Variants in NSD1 observed in about 807,000 individuals in gnomAD.
NSD1 encodes nuclear receptor binding SET domain protein 1, also known as histone-lysine N-methyltransferase, H3 lysine-36 specific.
A neutral mutation model predicts 242.7 loss-of-function variants in NSD1; 26 were observed. That is an observed-to-expected ratio of 0.11 (90% CI 0.08 to 0.15). NSD1 has a LOEUF of 0.15. Among genes scored for constraint, NSD1 ranks in the 10% least tolerant of loss-of-function variants. The pLI, the probability that NSD1 is intolerant of heterozygous loss-of-function variation, is 1.00. For synonymous variants in NSD1, 1,106 were observed against 1,178.1 expected (o/e 0.94, Z 1.25); for missense variants, 2,495 against 3,272.8 (o/e 0.76, Z 5.80).
rs894832428 is a variant in NSD1, at chr5:177,134,699, C to G, written c.-17-388C>G. 2.6e-5 allele frequency among the ~76,000 whole-genome samples: 4 copies of G among 152,230 alleles called. No homozygotes were observed. The highest frequency in any genetic ancestry group is 6.5e-5 in the Admixed American group (1 of 15,286). Reference sequence around the variant, plus strand: ...TTTTGTGCAGGGTCCAGGAGCCCCCCTCGGACCCCGCAGCCTTTTGCTTTT... The same window carrying G: ...TTTTGTGCAGGGTCCAGGAGCCCCCGTCGGACCCCGCAGCCTTTTGCTTTT... On this transcript the variant is annotated intron_variant, in intron 1 of 22. Coordinates refer to ENST00000439151, the MANE Select transcript of NSD1 (RefSeq NM_022455.5). The surrounding 1 kb of genome is among the most constrained non-coding windows in gnomAD (Gnocchi z 4.2).
At chr5:177,153,357 G>A (rs1757880484) in intron 2 of NSD1, among the ~76,000 whole-genome samples, 1 of 151,832 alleles carries the variant, frequency 6.6e-6, no homozygotes, top group Non-Finnish European at 1.5e-5. Context: ...TATGAATTTA[G>A]CATTTGTCCC....
chr5:177,204,026 C>T lies in NSD1; in HGVS notation c.1064-94C>T, dbSNP rs569940768. 1.2e-4 allele frequency: 150 copies of T among 1,213,672 alleles called. No individual in the cohort carries two copies. The African/African-American group carries it at 1.9e-3, about 15-fold the overall frequency. The allele number at this position is 1,213,672 out of a possible 1,614,324, so 75.2% of individuals were successfully genotyped here. On this transcript the variant is annotated intron_variant, in intron 3 of 22. Transcript: ENST00000439151. Reference sequence around the variant, plus strand: ...AGTGGGCATGTTAGTTGTTTCCAGACAGTCTTCTTTGGCGGCAATGATGTG... The same window carrying T: ...AGTGGGCATGTTAGTTGTTTCCAGATAGTCTTCTTTGGCGGCAATGATGTG...
At chr5:177,259,048 T>C (rs745702800) in intron 13 of NSD1, among the ~76,000 whole-genome samples, 2 of 152,108 alleles carry the variant, frequency 1.3e-5, no homozygotes, top group African/African-American at 4.8e-5. Context: ...TTGGCCAGAC[T>C]GTTCTGGAAC....
chr5:177,218,195 G>A (rs2149859254), intron 5 of NSD1, among the ~76,000 whole-genome samples: 1 of 152,182 alleles, frequency 6.6e-6, no homozygotes, highest in East Asian at 1.9e-4. Context: ...CTGCAGGTGT[G>A]CACCATGACA....
At chr5:177,222,192 G>T (rs144440127) in intron 5 of NSD1, among the ~76,000 whole-genome samples, 2 of 152,054 alleles carry the variant, frequency 1.3e-5, no homozygotes, top group African/African-American at 2.4e-5. Context: ...GCAGTGGCAC[G>T]ATCTTGGCTC....
At chr5:177,158,292 T>G (rs1455517056) in intron 2 of NSD1, among the ~76,000 whole-genome samples, 1 of 70,630 alleles carries the variant, frequency 1.4e-5, no homozygotes. Flanking sequence ...TTTCTTTCTT[T>G]CTTTCTTTCT....
Position 177,210,087 on chromosome 5 carries a change from C to T in NSD1, c.1688C>T (p.Thr563Ile). The T allele has an allele frequency of 1.2e-6, 2 of 1,613,738 alleles. No individual in the cohort carries two copies. The highest frequency in any genetic ancestry group is 1.3e-5 in the African/African-American group (1 of 75,014). The change falls in exon 5 of 23, where the codon ACT (threonine) becomes ATT (isoleucine). Residue 563 changes from threonine (T) to isoleucine (I), a missense_variant. By Grantham distance (89) the Thr-to-Ile change is moderately conservative. Coordinates refer to ENST00000439151, the MANE Select transcript of NSD1 (RefSeq NM_022455.5). ...GCAAATAGCCTCACAGGGTCCAACA[C>T]TGCCCCAGGAAGTTTTCTGTTTTCT... ...RIANSLTGSN[T>I]APGSFLFSSC... is the part of the protein sequence containing the mutation.
At chr5:177,200,234 G>A (rs1376172007) in intron 3 of NSD1, among the ~76,000 whole-genome samples, 5 of 151,928 alleles carry the variant, frequency 3.3e-5, no homozygotes, top group African/African-American at 7.3e-5. Flanking sequence ...GGGACTATAC[G>A]AGTAACTGGG....
intron 2 of NSD1, among the ~76,000 whole-genome samples, chr5:177,180,030 A>G (rs1418488326): frequency 6.6e-6 from 1 of 151,910 alleles, no homozygotes; most frequent in Non-Finnish European, 1.5e-5. Context: ...CCTCCTGGGT[A>G]GCTGGGATTA....
chr5:177,252,598 T>C (rs920456941), intron 12 of NSD1, among the ~76,000 whole-genome samples: 6 of 142,368 alleles, frequency 4.2e-5, no homozygotes, highest in African/African-American at 5.4e-5. Context: ...GTTGTCCAGG[T>C]TTGAGTACAG....
chr5:177,138,097 AC>A (rs1326761019), intron 2 of NSD1, among the ~76,000 whole-genome samples: 2 of 109,008 alleles, frequency 1.8e-5, no homozygotes, highest in African/African-American at 6.3e-5. Context: ...CAACAAAAAA[AC>A]AAACAAACAA....
Position 177,212,022 on chromosome 5 carries a change from C to A in NSD1, c.3623C>A (p.Thr1208Asn). 1 of 1,614,124 alleles carries A rather than the reference C, an allele frequency of 6.2e-7. No individual in the cohort carries two copies. Among genetic ancestry groups the A allele is most frequent in the Non-Finnish European group, 8.5e-7 (1 of 1,180,028 alleles). ...EGRDEFPEHR[T>N]PSASILEEPL... ...CGGGATGAGTTTCCAGAGCATAGAA[C>A]TCCTTCAGCAAGCATACTTGAGGAA... Residue 1208 changes from threonine to asparagine, a missense_variant, in exon 5 of 23, where the codon ACT becomes AAT. Around this residue, in one of 19 missense-constraint regions of NSD1, gnomAD observed 426 missense variants for 411.4 expected, o/e 1.04. Transcript: ENST00000439151.
At chr5:177,171,228 AC>A (rs1759677177) in intron 2 of NSD1, among the ~76,000 whole-genome samples, 1 of 151,884 alleles carries the variant, frequency 6.6e-6, no homozygotes. Flanking sequence ...AATCGCTTGA[AC>A]CAGGGGGGCA....
At chr5:177,284,033 C>T (rs1300437813) in intron 20 of NSD1, 105 bp downstream of exon 20, 15 of 1,347,308 alleles carry the variant, frequency 1.1e-5, no homozygotes, top group African/African-American at 1.4e-5. Context: ...CTATATGTAC[C>T]GTTCTCTGGA....
chr5:177,218,117 T>C (rs1346405015), intron 5 of NSD1, among the ~76,000 whole-genome samples: 1 of 152,164 alleles, frequency 6.6e-6, no homozygotes, highest in Non-Finnish European at 1.5e-5. Flanking sequence ...TTTACTATGT[T>C]GCCTAGGTGG....
intron 17 of NSD1, among the ~76,000 whole-genome samples, chr5:177,277,635 T>G (rs1758502712): frequency 6.6e-6 from 1 of 152,092 alleles, no homozygotes; most frequent in Admixed American, 6.6e-5. Context: ...GTTAGATCAG[T>G]TGATAAGAAA....
intron 3 of NSD1, among the ~76,000 whole-genome samples, chr5:177,197,434 A>G (rs1762186386): frequency 6.6e-6 from 1 of 152,158 alleles, no homozygotes; most frequent in African/African-American, 2.4e-5. Flanking sequence ...CATCCTGGCT[A>G]ACAAGGTGAA....
intron 13 of NSD1, among the ~76,000 whole-genome samples, chr5:177,257,601 G>A (rs1756597709): frequency 6.6e-6 from 1 of 152,060 alleles, no homozygotes; most frequent in South Asian, 2.1e-4. Context: ...TTTTATCAGA[G>A]AGATTACCAA....
chr5:177,291,847 T>A (rs1006591434), intron 21 of NSD1, 107 bp from the exon 22 acceptor site: 12 of 1,064,932 alleles, frequency 1.1e-5, no homozygotes, highest in Admixed American at 7.9e-5. Flanking sequence ...TTCATGACAA[T>A]CTCTTTTCCC....
Sources: allele counts gnomAD v4.1 joint callset (sites outside exome capture counted in the v4.1 genomes callset), GRCh38; gene constraint gnomAD v4.1.1; regional missense constraint gnomAD v4.1.1; non-coding constraint Gnocchi (gnomAD v3.1); transcripts MANE v1.5; gene names NCBI Gene and HGNC (gene_info 2026-07-23, HGNC 2026-07-21).